The following SCFD2 variants were observed in gnomAD, a reference collection of about 807,000 sequenced individuals.
SCFD2 encodes the protein sec1 family domain-containing protein 2.
A neutral mutation model predicts 58.9 loss-of-function variants in SCFD2; 54 were observed. That is an observed-to-expected ratio of 0.92 (90% CI 0.74 to 1.15). The LOEUF (loss-of-function observed/expected upper bound fraction) is 1.15, where lower values mean the gene tolerates loss of function less well. Ranked by LOEUF, SCFD2 falls within the 50% of genes most tolerant of loss-of-function variation. The pLI is 0.00. For synonymous variants in SCFD2, 321 were observed against 335.9 expected (o/e 0.96, Z 0.49); for missense variants, 805 against 836.6 (o/e 0.96, Z 0.47).
chr4:53,010,259 A>G (rs577265404), intron 5 of SCFD2, among the ~76,000 whole-genome samples: 1 of 152,348 alleles, frequency 6.6e-6, no homozygotes, highest in East Asian at 1.9e-4. Context: ...ACAGCTTCGC[A>G]ATTACTCTAC....
chr4:52,912,234 C>T (rs6828120), intron 6 of SCFD2, among the ~76,000 whole-genome samples: 2,659 of 152,004 alleles, frequency 0.017, 100 homozygotes, highest in African/African-American at 0.061. Context: ...TTCTAAAATA[C>T]ATTTATTCCA....
intron 4 of SCFD2, among the ~76,000 whole-genome samples, chr4:53,270,917 A>G (rs1483276452): frequency 6.6e-6 from 1 of 152,196 alleles, no homozygotes; most frequent in Admixed American, 6.5e-5. Context: ...TGGGAAAAAG[A>G]TGAGTGTATT....
At chr4:53,208,967 T>C (rs116290721) in intron 4 of SCFD2, among the ~76,000 whole-genome samples, 48 of 152,158 alleles carry the variant, frequency 3.2e-4, no homozygotes, top group Non-Finnish European at 5.1e-4. Flanking sequence ...TAACAAACCC[T>C]AGTTTGAATT....
intron 5 of SCFD2, among the ~76,000 whole-genome samples, chr4:52,998,681 A>G (rs1352173279): frequency 2.0e-5 from 3 of 152,202 alleles, no homozygotes; most frequent in Non-Finnish European, 4.4e-5. Flanking sequence ...CTGATGCTCA[A>G]CCACAGCTGG....
chr4:52,962,717 T>C (rs779547750), intron 5 of SCFD2, among the ~76,000 whole-genome samples: 1 of 152,112 alleles, frequency 6.6e-6, no homozygotes, highest in Admixed American at 6.6e-5. Context: ...TAGACAAAAG[T>C]TGTAACTTCT....
At chr4:53,240,130 T>C (rs1488956445) in intron 4 of SCFD2, among the ~76,000 whole-genome samples, 1 of 152,214 alleles carries the variant, frequency 6.6e-6, no homozygotes, top group Non-Finnish European at 1.5e-5. Flanking sequence ...ACTGCCACCA[T>C]GTTTTTGCTC....
At chr4:53,175,258 A>G (rs1727294413) in intron 4 of SCFD2, among the ~76,000 whole-genome samples, 1 of 152,198 alleles carries the variant, frequency 6.6e-6, no homozygotes, top group African/African-American at 2.4e-5. Context: ...ATGTAATGTG[A>G]TATCTTTTAG....
intron 3 of SCFD2, among the ~76,000 whole-genome samples, chr4:53,283,954 TAAAA>T (rs1186017006): frequency 6.6e-6 from 1 of 151,282 alleles, no homozygotes; most frequent in Non-Finnish European, 1.5e-5. Flanking sequence ...CCGTCTCTAC[TAAAA>T]ATACAAAAAA....
chr4:53,120,582 C>G (rs1180195980), intron 5 of SCFD2, among the ~76,000 whole-genome samples: 2 of 152,122 alleles, frequency 1.3e-5, no homozygotes, highest in East Asian at 3.8e-4. Context: ...TGGTTAACAT[C>G]AAATGTCTCT....
chr4:53,289,617 A>G lies in SCFD2; in HGVS notation c.1136-15616T>C, dbSNP rs538936953. Among the ~76,000 whole-genome samples, 6 of 152,302 alleles carry G rather than the reference A, an allele frequency of 3.9e-5. No homozygotes were observed. In the South Asian group the frequency reaches 1.2e-3, roughly 32 times the overall value. ...AATTAACAAAATGGCAATAGTAAAC[A>G]CTTGCCTATCAATAACAATCTTAAA... On this transcript the variant is annotated intron_variant, in intron 3 of 8. Transcript: ENST00000401642.
chr4:52,921,721 C>A (rs999796002), intron 5 of SCFD2, among the ~76,000 whole-genome samples: 1 of 152,072 alleles, frequency 6.6e-6, no homozygotes, highest in African/African-American at 2.4e-5. Context: ...GTGTCCCCTG[C>A]GAGAGTGGTA....
Position 53,365,550 on chromosome 4 carries a change from G to T in SCFD2, c.392C>A (p.Pro131Gln). The T allele has an allele frequency of 1.2e-6, 2 of 1,614,074 alleles. No homozygotes were observed. The highest frequency in any genetic ancestry group is 1.1e-5 in the South Asian group (1 of 91,080). The part of the protein sequence containing the change: ...AAAAEMEGQQ[P>Q]VFEQLEEKLC... ...CTTCTCCTCCAGCTGCTCGAACACCGGCTGCTGCCCCTCCATCTCGGCCGC... is the reference window on the plus strand; with the variant it reads ...CTTCTCCTCCAGCTGCTCGAACACCTGCTGCTGCCCCTCCATCTCGGCCGC... Residue 131 changes from proline (P) to glutamine (Q), a missense_variant, in exon 1 of 9, where the codon CCG becomes CAG. Transcript: ENST00000401642. This position sits in a 1 kb window ranked among gnomAD's most constrained non-coding sequence, Gnocchi z 4.3.
intron 5 of SCFD2, among the ~76,000 whole-genome samples, chr4:53,042,197 C>T (rs1025164697): frequency 1.1e-4 from 16 of 152,144 alleles, no homozygotes; most frequent in African/African-American, 2.4e-4. Context: ...CTATACACCA[C>T]GGTGGTGGAT....
intron 2 of SCFD2, among the ~76,000 whole-genome samples, chr4:53,347,231 A>G (rs1415636087): frequency 1.3e-5 from 2 of 152,202 alleles, no homozygotes; most frequent in African/African-American, 4.8e-5. Flanking sequence ...CACAGAGTCT[A>G]GAGATCCCCA....
At chr4:53,265,518 T>C (rs1730957699) in intron 4 of SCFD2, 1 of 152,202 alleles carries the variant, frequency 6.6e-6, no homozygotes, top group Non-Finnish European at 1.5e-5. Flanking sequence ...GCCATGCTAA[T>C]CTTTTCTGTA....
chr4:53,180,751 G>A lies in SCFD2; in HGVS notation c.1312-35169C>T, dbSNP rs7684049. Among the ~76,000 whole-genome samples, 1,255 of 152,062 alleles carry A rather than the reference G, an allele frequency of 8.3e-3. 18 individuals carry two copies. Among genetic ancestry groups the A allele is most frequent in the African/African-American group, 0.028 (1,171 of 41,472 alleles). On this transcript the variant is annotated intron_variant, in intron 4 of 8. Coordinates refer to ENST00000401642, the MANE Select transcript of SCFD2 (RefSeq NM_152540.4). ...AAAGATCAACAAAATTGATCAGACC[G>A]CTAGCAAGACTAATAAAGAAGAAAA...
At chr4:53,251,780 C>T (rs1295519683) in intron 4 of SCFD2, among the ~76,000 whole-genome samples, 1 of 151,900 alleles carries the variant, frequency 6.6e-6, no homozygotes, top group Non-Finnish European at 1.5e-5. Flanking sequence ...CAATATCATA[C>T]TGAATGGGCA....
intron 5 of SCFD2, among the ~76,000 whole-genome samples, chr4:53,009,617 A>T (rs6831230): frequency 0.84 from 128,275 of 152,174 alleles, 54,382 homozygotes; most frequent in Middle Eastern, 0.95. Context: ...CGTTCTCGTA[A>T]TTCTGAGACT....
At chr4:53,025,770 GCA>G (rs1722460996) in intron 5 of SCFD2, among the ~76,000 whole-genome samples, 1 of 152,200 alleles carries the variant, frequency 6.6e-6, no homozygotes, top group South Asian at 2.1e-4. Context: ...GTGCACCACA[GCA>G]CACACACAAC....
Sources: allele counts gnomAD v4.1 joint callset (sites outside exome capture counted in the v4.1 genomes callset), GRCh38; gene constraint gnomAD v4.1.1; non-coding constraint Gnocchi (gnomAD v3.1); transcripts MANE v1.5; gene names NCBI Gene and HGNC (gene_info 2026-07-23, HGNC 2026-07-21).